MYO3A: variants seen among roughly 807,000 people sequenced by gnomAD.
The protein encoded by MYO3A is myosin-IIIa.
In MYO3A, 180 loss-of-function variants were observed where a neutral mutation model predicts 192.7. The ratio of observed to expected loss-of-function variants is 0.93; its 90% CI spans 0.83 to 1.06. MYO3A has a LOEUF of 1.06. Among genes scored for constraint, MYO3A ranks in the 50% least tolerant of loss-of-function variants. The pLI, the probability that MYO3A is intolerant of heterozygous loss-of-function variation, is 0.00. For missense variants in MYO3A, 1,896 were observed against 1,905.0 expected (o/e 1.00, Z 0.09); for synonymous variants, 628 against 645.3 (o/e 0.97, Z 0.41).
intron 17 of MYO3A, among the ~76,000 whole-genome samples, chr10:26,114,289 A>C (rs1838374473): frequency 6.6e-6 from 1 of 152,198 alleles, no homozygotes; most frequent in East Asian, 1.9e-4. Flanking sequence ...CATGGGCATC[A>C]GTTAGGCATC....
intron 19 of MYO3A, among the ~76,000 whole-genome samples, chr10:26,127,339 G>A (rs1237279809): frequency 6.6e-6 from 1 of 151,944 alleles, no homozygotes; most frequent in African/African-American, 2.4e-5. Context: ...ATCTCTGTGG[G>A]ATCCTGTGGG....
chr10:26,009,332 A>G (rs1215577693), intron 6 of MYO3A, among the ~76,000 whole-genome samples: 1 of 152,188 alleles, frequency 6.6e-6, no homozygotes, highest in Non-Finnish European at 1.5e-5. Flanking sequence ...ATGTATACAT[A>G]TGTAACTAAC....
At chr10:26,180,774 AG>A (rs1322383721) in intron 31 of MYO3A, among the ~76,000 whole-genome samples, 1 of 152,076 alleles carries the variant, frequency 6.6e-6, no homozygotes, top group African/African-American at 2.4e-5. Flanking sequence ...GAGACAAAAA[AG>A]AAGAGATGCA....
At chr10:25,935,067 G>T (rs983925268) in intron 1 of MYO3A, among the ~76,000 whole-genome samples, 1 of 152,128 alleles carries the variant, frequency 6.6e-6, no homozygotes, top group African/African-American at 2.4e-5. Context: ...CGCTGGGTCG[G>T]CCCGTCCCTG....
At chr10:26,006,653 C>A (rs1407182935) in intron 6 of MYO3A, among the ~76,000 whole-genome samples, 1 of 152,156 alleles carries the variant, frequency 6.6e-6, no homozygotes, top group Admixed American at 6.5e-5. Context: ...AATTCCTGGA[C>A]ACATACACCC....
chr10:26,206,221 C>G (rs145247162), intron 34 of MYO3A, among the ~76,000 whole-genome samples: 167 of 151,562 alleles, frequency 1.1e-3, no homozygotes, highest in African/African-American at 3.9e-3. Flanking sequence ...CCACTCTGCC[C>G]GGCTAATTTT....
chr10:25,937,238 A>G (rs1836143694), intron 2 of MYO3A, among the ~76,000 whole-genome samples: 1 of 152,210 alleles, frequency 6.6e-6, no homozygotes, highest in Admixed American at 6.5e-5. Flanking sequence ...TGGGTGGGGT[A>G]TACATTCTCC....
intron 6 of MYO3A, among the ~76,000 whole-genome samples, chr10:26,006,137 T>A (rs1021894272): frequency 1.2e-4 from 18 of 151,960 alleles, no homozygotes; most frequent in African/African-American, 4.4e-4. Flanking sequence ...AGCTACTGGG[T>A]ACATAACGAA....
At chr10:26,108,142 C>T (rs1263120619) in intron 17 of MYO3A, among the ~76,000 whole-genome samples, 2 of 152,096 alleles carry the variant, frequency 1.3e-5, no homozygotes, top group Non-Finnish European at 2.9e-5. Context: ...AGACTTTGCT[C>T]GTAACAGTTT....
chr10:25,991,017 T>G (rs1406049612), intron 4 of MYO3A, among the ~76,000 whole-genome samples: 1 of 152,112 alleles, frequency 6.6e-6, no homozygotes. Flanking sequence ...CAATCCTTTG[T>G]GTATATACCC....
Position 26,174,133 on chromosome 10 carries a change from G to A in MYO3A, c.3869G>A (p.Ser1290Asn). Residue 1290 changes from serine (S) to asparagine (N), a missense_variant, in exon 30 of 35, where the codon AGC (serine) becomes AAC (asparagine). By Grantham distance (46) the Ser-to-Asn change is conservative. Coordinates refer to ENST00000642920, the MANE Select transcript of MYO3A (RefSeq NM_017433.5). ...SFKKTLEPTL[S>N]QRSIYQNANS... ...AAAAAAACTTTGGAACCTACACTTA[G>A]CCAAAGGTCAATTTATCAAAATGCA... 6.2e-7 allele frequency: 1 copy of A among 1,614,176 alleles called. No homozygotes were observed. Among genetic ancestry groups the A allele is most frequent in the Non-Finnish European group, 8.5e-7 (1 of 1,180,032 alleles).
chr10:26,066,729 A>C (rs1834870746), intron 10 of MYO3A, among the ~76,000 whole-genome samples: 2 of 152,260 alleles, frequency 1.3e-5, no homozygotes, highest in South Asian at 4.1e-4. Context: ...AATTATATAA[A>C]GATAGTTCTT....
At position 25,954,938 on chromosome 10, in the gene MYO3A, T is replaced by G. The variant is rs377015132; in HGVS notation, c.233T>G (p.Val78Gly). The G allele has an allele frequency of 3.7e-5, 59 of 1,612,336 alleles. No homozygotes were observed. Among genetic ancestry groups the G allele is most frequent in the Non-Finnish European group, 5.0e-5 (59 of 1,178,746 alleles). Residue 78 changes from valine (V) to glycine (G), a missense_variant, in exon 4 of 35, where the codon GTG (valine) becomes GGG (glycine). Coordinates refer to ENST00000642920, the MANE Select transcript of MYO3A (RefSeq NM_017433.5). Reference sequence around the variant, plus strand: ...AAAGCACTTTCTGACCACCCTAATGTGGTCAGATTCTATGGGATATACTTT... The same window carrying G: ...AAAGCACTTTCTGACCACCCTAATGGGGTCAGATTCTATGGGATATACTTT... ...ILKALSDHPNVVRFYGIYFKK... is the reference protein window; with the variant it reads ...ILKALSDHPNGVRFYGIYFKK...
intron 2 of MYO3A, 59 bp from the exon 3 acceptor site, chr10:25,952,035 G>A: frequency 1.5e-6 from 2 of 1,296,962 alleles, no homozygotes; most frequent in Non-Finnish European, 2.2e-6. Flanking sequence ...CCATGGGTTT[G>A]TGTGTGCCAT....
intron 4 of MYO3A, among the ~76,000 whole-genome samples, chr10:25,980,059 AC>A (rs1363330396): frequency 1.3e-5 from 2 of 151,968 alleles, no homozygotes; most frequent in African/African-American, 2.4e-5. Flanking sequence ...ACACGGTGAA[AC>A]CCCTTCTGTA....
At chr10:26,110,533 AG>A (rs1433378602) in intron 17 of MYO3A, among the ~76,000 whole-genome samples, 3 of 152,184 alleles carry the variant, frequency 2.0e-5, no homozygotes, top group Non-Finnish European at 4.4e-5. Flanking sequence ...AAAGGTTGTC[AG>A]GATGTCTGGA....
intron 10 of MYO3A, among the ~76,000 whole-genome samples, chr10:26,035,932 GC>G (rs1564480447): frequency 6.6e-6 from 1 of 151,702 alleles, no homozygotes; most frequent in Non-Finnish European, 1.5e-5. Context: ...TTCATGTTTT[GC>G]CTAAGACTTT....
intron 17 of MYO3A, among the ~76,000 whole-genome samples, chr10:26,119,102 C>T (rs1838694224): frequency 6.6e-6 from 1 of 152,108 alleles, no homozygotes; most frequent in South Asian, 2.1e-4. Context: ...TAGAATAGTT[C>T]ATGTCTGGTG....
chr10:26,148,842 C>T (rs1010720526), intron 23 of MYO3A, among the ~76,000 whole-genome samples: 1 of 152,154 alleles, frequency 6.6e-6, no homozygotes, highest in African/African-American at 2.4e-5. Context: ...GCCCTGCAGC[C>T]TTGCTAAGCT....
Sources: allele counts gnomAD v4.1 joint callset (sites outside exome capture counted in the v4.1 genomes callset), GRCh38; gene constraint gnomAD v4.1.1; transcripts MANE v1.5; gene names NCBI Gene and HGNC (gene_info 2026-07-23, HGNC 2026-07-21).